The following RAD51B variants were observed in gnomAD, a reference collection of about 807,000 sequenced individuals.
RAD51B encodes DNA repair protein RAD51 homolog 2.
Under a neutral mutation model 42.2 loss-of-function variants are expected in RAD51B, and 38 were observed. The observed-to-expected ratio is 0.90, with a 90% CI of 0.70 to 1.18. The LOEUF (loss-of-function observed/expected upper bound fraction) is 1.18, where lower values mean the gene tolerates loss of function less well. Ranked by LOEUF, RAD51B falls within the 50% of genes most tolerant of loss-of-function variation. The pLI is 0.00. For missense variants in RAD51B, 373 were observed against 400.7 expected (o/e 0.93, Z 0.59); for synonymous variants, 154 against 145.2 (o/e 1.06, Z -0.43).
At chr14:68,253,409 G>A (rs1156428962) in intron 7 of RAD51B, among the ~76,000 whole-genome samples, 4 of 151,862 alleles carry the variant, frequency 2.6e-5, no homozygotes, top group Non-Finnish European at 5.9e-5. Context: ...TGTTCTTCGC[G>A]TTTCTATTGG....
At chr14:67,840,167 G>A (rs568824376) in intron 4 of RAD51B, among the ~76,000 whole-genome samples, 1 of 152,260 alleles carries the variant, frequency 6.6e-6, no homozygotes, top group African/African-American at 2.4e-5. Context: ...TATATGTACA[G>A]GTTTGTTACA....
At chr14:68,151,083 G>A (rs2078369328) in intron 7 of RAD51B, among the ~76,000 whole-genome samples, 1 of 151,918 alleles carries the variant, frequency 6.6e-6, no homozygotes, top group South Asian at 2.1e-4. Context: ...ATCAGGTCTT[G>A]TGGTGTAGGT....
At chr14:68,509,920 T>C (rs557078125) in intron 10 of RAD51B, among the ~76,000 whole-genome samples, 3 of 152,356 alleles carry the variant, frequency 2.0e-5, no homozygotes, top group South Asian at 2.1e-4. Flanking sequence ...CCGCAAGCAC[T>C]TGGGAAATTA....
intron 7 of RAD51B, among the ~76,000 whole-genome samples, chr14:68,058,442 C>A (rs1217329707): frequency 1.3e-5 from 2 of 152,144 alleles, no homozygotes; most frequent in Admixed American, 1.3e-4. Context: ...TCCCCTAGCT[C>A]CCTCTTTACC....
intron 7 of RAD51B, among the ~76,000 whole-genome samples, chr14:68,120,598 C>G (rs2077632717): frequency 6.6e-6 from 1 of 152,096 alleles, no homozygotes; most frequent in South Asian, 2.1e-4. Context: ...ATATTCAGAA[C>G]CACATCTGAG....
At chr14:68,108,242 C>T (rs760328529) in intron 7 of RAD51B, among the ~76,000 whole-genome samples, 30 of 151,774 alleles carry the variant, frequency 2.0e-4, no homozygotes, top group Non-Finnish European at 4.0e-4. Flanking sequence ...ATAGAGTTAC[C>T]ATAGGACCTG....
intron 10 of RAD51B, among the ~76,000 whole-genome samples, chr14:68,610,841 A>ATGTGTGTGTGTG (rs1323864540): frequency 2.8e-5 from 2 of 71,138 alleles, no homozygotes; most frequent in African/African-American, 1.1e-4. Flanking sequence ...ATCTGAATGT[A>ATGTGTGTGTGTG]TATGTGTGTG....
At chr14:68,550,773 G>A (rs1427982210) in intron 10 of RAD51B, among the ~76,000 whole-genome samples, 2 of 152,200 alleles carry the variant, frequency 1.3e-5, no homozygotes, top group Admixed American at 1.3e-4. Context: ...AACCCTAGCA[G>A]TGATCTGTGT....
At chr14:68,118,656 G>A (rs570822969) in intron 7 of RAD51B, among the ~76,000 whole-genome samples, 2 of 152,338 alleles carry the variant, frequency 1.3e-5, no homozygotes, top group South Asian at 2.1e-4. Context: ...TAGCCATTGT[G>A]CAGGTGTATT....
chr14:68,003,545 C>A (rs2075524593), intron 7 of RAD51B, among the ~76,000 whole-genome samples: 1 of 152,146 alleles, frequency 6.6e-6, no homozygotes, highest in African/African-American at 2.4e-5. Context: ...GCCAGAACTT[C>A]CAGTACTACA....
chr14:67,899,583 T>C (rs1176834630), intron 7 of RAD51B, among the ~76,000 whole-genome samples: 2 of 152,224 alleles, frequency 1.3e-5, no homozygotes, highest in Non-Finnish European at 2.9e-5. Context: ...TTGAAGTCCC[T>C]TTTAAGATCA....
At chr14:68,040,862 G>C (rs1355259608) in intron 7 of RAD51B, among the ~76,000 whole-genome samples, 1 of 152,180 alleles carries the variant, frequency 6.6e-6, no homozygotes, top group Non-Finnish European at 1.5e-5. Flanking sequence ...GATCCTCCAG[G>C]TGATTCTCAT....
rs188052496 is a variant in RAD51B, at chr14:68,568,172, T to C, written c.1037-26313T>C. On this transcript the variant is annotated intron_variant, in intron 10 of 10. Transcript: ENST00000487270. ...CCTACCCTCTGAGAAACTATAGTCT[T>C]GCGACACAGAAAGGTAAGCAAACAG... 7.2e-4 allele frequency among the ~76,000 whole-genome samples: 109 copies of C among 152,318 alleles called. 1 individual carries two copies. The highest frequency in any genetic ancestry group is 1.5e-3 in the South Asian group (7 of 4,826).
intron 7 of RAD51B, among the ~76,000 whole-genome samples, chr14:68,017,172 C>A (rs867280582): frequency 6.6e-6 from 1 of 151,904 alleles, no homozygotes; most frequent in East Asian, 1.9e-4. Flanking sequence ...TGTTGAATTA[C>A]AAGGCATTAT....
chr14:68,612,093 A>G (rs755085710), downstream of RAD51B, among the ~76,000 whole-genome samples: 51 of 152,226 alleles, frequency 3.4e-4, no homozygotes, highest in Non-Finnish European at 4.1e-4. Flanking sequence ...ACTGCATTCT[A>G]CACAACTTGG....
chr14:68,098,280 T>TA (rs1224875386), intron 7 of RAD51B, among the ~76,000 whole-genome samples: 1 of 152,222 alleles, frequency 6.6e-6, no homozygotes, highest in African/African-American at 2.4e-5. Flanking sequence ...TTTCATAACT[T>TA]TTATTGAGTG....
intron 11 of RAD51B, among the ~76,000 whole-genome samples, chr14:68,653,762 C>T (rs1892751188): frequency 6.6e-6 from 1 of 152,234 alleles, no homozygotes. Flanking sequence ...AACACAGGCC[C>T]ATGCACAGAG....
At chr14:68,007,166 G>T (rs2140322821) in intron 7 of RAD51B, among the ~76,000 whole-genome samples, 1 of 152,056 alleles carries the variant, frequency 6.6e-6, no homozygotes, top group Admixed American at 6.5e-5. Flanking sequence ...TTAGTATAAT[G>T]TTTTCAAGGC....
At chr14:68,110,495 C>G (rs1380979638) in intron 7 of RAD51B, among the ~76,000 whole-genome samples, 1 of 151,970 alleles carries the variant, frequency 6.6e-6, no homozygotes, top group Non-Finnish European at 1.5e-5. Context: ...ACTTTGGTCT[C>G]TCTTTTTAGA....
Sources: gnomAD v4.1 joint callset for allele counts (sites outside exome capture counted in the v4.1 genomes callset) on GRCh38, gnomAD v4.1.1 for gene constraint, MANE v1.5 for transcripts, NCBI Gene and HGNC (gene_info 2026-07-23, HGNC 2026-07-21) for gene names.